The following PKHD1 variants were observed in gnomAD, a reference collection of about 807,000 sequenced individuals.
The protein encoded by PKHD1 is fibrocystin.
Under a neutral mutation model 412.0 loss-of-function variants are expected in PKHD1, and 291 were observed. The ratio of observed to expected loss-of-function variants is 0.71; its 90% CI spans 0.64 to 0.78. The LOEUF (loss-of-function observed/expected upper bound fraction) is 0.78, where lower values mean the gene tolerates loss of function less well. Ranked by LOEUF, PKHD1 falls within the 30% of genes least tolerant of loss-of-function variation. PKHD1 has a pLI of 0.00. For synonymous variants in PKHD1, 1,777 were observed against 1,821.5 expected, an observed-to-expected ratio of 0.98 and a Z score of 0.62; for missense variants, 4,825 against 4,950.7, an observed-to-expected ratio of 0.97 and a Z score of 0.76.
chr6:52,014,050 A>G (rs938426369), intron 34 of PKHD1, among the ~76,000 whole-genome samples: 4 of 152,198 alleles, frequency 2.6e-5, no homozygotes, highest in African/African-American at 9.7e-5. Context: ...TTGGGAAATT[A>G]CTTAATCTTC....
chr6:51,896,439 C>G (rs1780025144), intron 43 of PKHD1, among the ~76,000 whole-genome samples: 1 of 152,284 alleles, frequency 6.6e-6, no homozygotes, highest in African/African-American at 2.4e-5. Flanking sequence ...TCCAACAGAC[C>G]TGCAGCTGAG....
At chr6:51,719,923 G>A (rs1379039865) in intron 60 of PKHD1, among the ~76,000 whole-genome samples, 2 of 152,012 alleles carry the variant, frequency 1.3e-5, no homozygotes, top group African/African-American at 4.8e-5. Flanking sequence ...GAAAAAGAAA[G>A]TCTTAAAAGA....
chr6:51,888,524 A>C (rs1460347088), intron 43 of PKHD1, among the ~76,000 whole-genome samples: 1 of 151,952 alleles, frequency 6.6e-6, no homozygotes, highest in Non-Finnish European at 1.5e-5. Context: ...CAAGAGATTT[A>C]ATAAAAAATT....
At chr6:51,912,284 C>T (rs1166586742) in intron 38 of PKHD1, 82 bp downstream of exon 38, 5 of 863,040 alleles carry the variant, frequency 5.8e-6, no homozygotes, top group African/African-American at 3.3e-5. Flanking sequence ...CATTGAAAGA[C>T]CCCAATACAA....
At chr6:52,033,751 A>G (rs1434877879) in intron 28 of PKHD1, among the ~76,000 whole-genome samples, 1 of 152,170 alleles carries the variant, frequency 6.6e-6, no homozygotes, top group Non-Finnish European at 1.5e-5. Context: ...CTAGATTGAA[A>G]CAGGAGAACA....
intron 40 of PKHD1, among the ~76,000 whole-genome samples, chr6:51,907,074 T>C (rs765784122): frequency 5.9e-5 from 9 of 152,116 alleles, no homozygotes; most frequent in Non-Finnish European, 1.3e-4. Context: ...AACATAAAGA[T>C]GAATGAAACT....
intron 52 of PKHD1, among the ~76,000 whole-genome samples, chr6:51,792,530 C>T (rs538173412): frequency 6.6e-6 from 1 of 152,296 alleles, no homozygotes; most frequent in East Asian, 1.9e-4. Flanking sequence ...GGGTTGTAAA[C>T]CAACCATTTC....
intron 60 of PKHD1, among the ~76,000 whole-genome samples, chr6:51,677,165 A>G (rs1775981082): frequency 6.6e-6 from 1 of 152,160 alleles, no homozygotes; most frequent in Non-Finnish European, 1.5e-5. Context: ...TGAGAAACTT[A>G]AAGTTCATTA....
chr6:51,980,869 A>T (rs1795052285), intron 35 of PKHD1, among the ~76,000 whole-genome samples: 1 of 152,230 alleles, frequency 6.6e-6, no homozygotes, highest in East Asian at 1.9e-4. Flanking sequence ...AAATCTATGA[A>T]CAATAACAAT....
rs1249427032 is a variant in PKHD1 at position 52,060,047 on chromosome 6, A to G, written c.1119-5T>C. 2 of 1,517,660 alleles carry G rather than the reference A, an allele frequency of 1.3e-6. No individual in the cohort carries two copies. Among genetic ancestry groups the G allele is most frequent in the South Asian group, 1.1e-5 (1 of 89,138 alleles). The allele number at this position is 1,517,660 out of a possible 1,614,324, so 94.0% of individuals were successfully genotyped here. A position where few individuals can be genotyped will look rare whatever the true frequency, so the allele number is the denominator to read the frequency against. ...AAGAACCCACTGAGCCGTGCTCTGTAAAGTAGAACATAGAGTCAAGCAAGA... is the reference window on the plus strand; with the variant it reads ...AAGAACCCACTGAGCCGTGCTCTGTGAAGTAGAACATAGAGTCAAGCAAGA... On this transcript the variant is annotated splice_region_variant and splice_polypyrimidine_tract_variant and intron_variant, in intron 14 of 66. Coordinates refer to ENST00000371117, the MANE Select transcript of PKHD1 (RefSeq NM_138694.4).
In PKHD1 at chr6:51,754,904, G is replaced by A. The variant is rs886061615; in HGVS notation, c.8677C>T (p.His2893Tyr). 2 of 1,613,296 alleles carry A rather than the reference G, an allele frequency of 1.2e-6. No homozygotes were observed. The highest frequency in any genetic ancestry group is 1.1e-5 in the South Asian group (1 of 91,056). ...IVEDAVDWRP[H>Y]DKIVLSSSSY... Reference sequence around the variant, plus strand: ...GAGGAGCTAAGGACTATTTTGTCATGGGGGCGCCAATCCACTGCATCTTCT... The same window carrying A: ...GAGGAGCTAAGGACTATTTTGTCATAGGGGCGCCAATCCACTGCATCTTCT... Residue 2893 changes from histidine (H) to tyrosine (Y), a missense_variant, in exon 56 of 67, where the codon CAT becomes TAT. Physicochemically the swap from His to Tyr is moderately conservative, Grantham distance 83 (BLOSUM62 2). Coordinates refer to ENST00000371117, the MANE Select transcript of PKHD1 (RefSeq NM_138694.4).
intron 48 of PKHD1, among the ~76,000 whole-genome samples, chr6:51,865,721 C>A (rs1294191642): frequency 6.6e-6 from 1 of 152,202 alleles, no homozygotes; most frequent in Admixed American, 6.5e-5. Flanking sequence ...ACTGTGAGAG[C>A]TTTGTAAATC....
intron 39 of PKHD1, among the ~76,000 whole-genome samples, chr6:51,910,832 G>A (rs1782829135): frequency 6.6e-6 from 1 of 152,038 alleles, no homozygotes; most frequent in South Asian, 2.1e-4. Flanking sequence ...TGTAGGGAGG[G>A]AGGTGAGGCC....
rs567357782 is a variant in PKHD1 at position 52,082,456 on chromosome 6, G to A, written c.217C>T (p.Arg73Trp). The part of the protein sequence containing the change: ...VNVNMVVPAL[R>W]SVPCDVFPVF... Reference sequence around the variant, plus strand: ...GGAAAGACGTCACAGGGAACACTCCGCAGTGCGGGCACCACCATGTTCACG... The same window carrying A: ...GGAAAGACGTCACAGGGAACACTCCACAGTGCGGGCACCACCATGTTCACG... Residue 73 changes from arginine to tryptophan, a missense_variant, in exon 4 of 67, where the codon CGG becomes TGG. Coordinates refer to ENST00000371117, the MANE Select transcript of PKHD1 (RefSeq NM_138694.4). 52 of 1,613,876 alleles carry A rather than the reference G, an allele frequency of 3.2e-5. No individual in the cohort carries two copies. Among genetic ancestry groups the A allele is most frequent in the African/African-American group, 2.1e-4 (16 of 74,896 alleles).
At chr6:52,013,935 CCAGGGCTCTCA>C (rs1800124699) in intron 34 of PKHD1, among the ~76,000 whole-genome samples, 1 of 152,206 alleles carries the variant, frequency 6.6e-6, no homozygotes, top group Non-Finnish European at 1.5e-5. Flanking sequence ...CAAAGCTCAG[CCAGGGCTCTCA>C]CACTGAAGCT....
rs901105189 is a variant in PKHD1 at position 51,893,938 on chromosome 6, G to A, written c.6997-6693C>T. Among the ~76,000 whole-genome samples the A allele has an allele frequency of 6.6e-5, 10 of 152,280 alleles. 1 individual carries two copies. The South Asian group carries it at 2.1e-3, about 32-fold the overall frequency. ...GGCTCTTCTTCAGAGTTTTTCCACG[G>A]ACTATCCTAAACAGGGGTCTGGTTA... On this transcript the variant is annotated intron_variant, in intron 43 of 66. Transcript: ENST00000371117.
chr6:52,046,302 G>A, intron 23 of PKHD1, 114 bp from the exon 24 acceptor site: 2 of 858,562 alleles, frequency 2.3e-6, no homozygotes, highest in South Asian at 1.3e-5. Flanking sequence ...ATTTTCAGGA[G>A]ACCCTTCTGT....
At chr6:51,707,680 T>A (rs577367443) in intron 60 of PKHD1, among the ~76,000 whole-genome samples, 13 of 152,172 alleles carry the variant, frequency 8.5e-5, no homozygotes, top group Non-Finnish European at 1.8e-4. Flanking sequence ...CCCATTCCCG[T>A]CTGACTTCCA....
chr6:52,055,453 A>G, intron 19 of PKHD1, 134 bp downstream of exon 19: 1 of 967,386 alleles, frequency 1.0e-6, no homozygotes. Flanking sequence ...CGAGAGACCT[A>G]GAACCTCAGC....
Sources: allele counts gnomAD v4.1 joint callset (sites outside exome capture counted in the v4.1 genomes callset), GRCh38; gene constraint gnomAD v4.1.1; transcripts MANE v1.5; gene names NCBI Gene and HGNC (gene_info 2026-07-23, HGNC 2026-07-21).